NPTX1: variants seen among roughly 807,000 people sequenced by gnomAD.
NPTX1 encodes neuronal pentraxin-1.
In NPTX1, 12 loss-of-function variants were observed where a neutral mutation model predicts 38.7. The ratio of observed to expected loss-of-function variants is 0.31; its 90% CI spans 0.20 to 0.50. The LOEUF (loss-of-function observed/expected upper bound fraction) is 0.50, where lower values mean the gene tolerates loss of function less well. NPTX1 is among the 20% of genes least tolerant of loss of function. The pLI is 0.98. For synonymous variants in NPTX1, 272 were observed against 264.9 expected, an observed-to-expected ratio of 1.03 and a Z score of -0.26; for missense variants, 454 against 592.2, an observed-to-expected ratio of 0.77 and a Z score of 2.42.
chr17:80,473,547 G>T, intron 2 of NPTX1, 103 bp from the exon 3 acceptor site: 1 of 1,218,812 alleles, frequency 8.2e-7, no homozygotes. Flanking sequence ...GGCCAGGGCA[G>T]GCTCCGGTCT....
At position 80,469,413 on chromosome 17, in the gene NPTX1, A is replaced by G. The variant is rs893892349; in HGVS notation, c.*1400T>C. On this transcript the variant is annotated 3_prime_UTR_variant, in exon 5 of 5. Coordinates refer to ENST00000306773, the MANE Select transcript of NPTX1 (RefSeq NM_002522.4). ...AACACACACACACACACACAAATGC[A>G]CATACACTTCTCTCCCCTCCTTGGA... 6.6e-6 allele frequency: 1 copy of G among 152,284 alleles called. No homozygotes were observed. Among genetic ancestry groups the G allele is most frequent in the African/African-American group, 2.4e-5 (1 of 41,442 alleles). The allele number at this position is 152,284 out of a possible 1,614,324, so 9.4% of individuals were successfully genotyped here.
In NPTX1 at chr17:80,475,790, C is replaced by T. The variant is rs2083877123; in HGVS notation, c.445-72G>A. ...GGGGACCGTGCTGGAAGGCCCGCGG[C>T]GCGGTCCCCTCTGGGCGACTGCGGG... On this transcript the variant is annotated intron_variant, in intron 1 of 4. Coordinates refer to ENST00000306773, the MANE Select transcript of NPTX1 (RefSeq NM_002522.4). The surrounding 1 kb of genome is among the most constrained non-coding windows in gnomAD (Gnocchi z 6.5). The T allele has an allele frequency of 1.6e-6, 2 of 1,267,552 alleles. No individual in the cohort carries two copies. The highest frequency in any genetic ancestry group is 1.1e-6 in the Non-Finnish European group (1 of 897,146). The allele number at this position is 1,267,552 out of a possible 1,614,324, so 78.5% of individuals were successfully genotyped here. A position where few individuals can be genotyped will look rare whatever the true frequency, so the allele number is the denominator to read the frequency against.
chr17:80,475,875 G>A lies in NPTX1; in HGVS notation c.444+128C>T. Reference sequence around the variant, plus strand: ...CGCGGGGCCTCGCAGGCGCGGGGAGGCACCGGCCGGGCACCCGCGCGGCTG... The same window carrying A: ...CGCGGGGCCTCGCAGGCGCGGGGAGACACCGGCCGGGCACCCGCGCGGCTG... On this transcript the variant is annotated intron_variant, in intron 1 of 4. Transcript: ENST00000306773. The surrounding 1 kb of genome is among the most constrained non-coding windows in gnomAD (Gnocchi z 6.5). 1 of 867,474 alleles carries A rather than the reference G, an allele frequency of 1.2e-6. No homozygotes were observed. Among genetic ancestry groups the A allele is most frequent in the Non-Finnish European group, 1.6e-6 (1 of 616,756 alleles). 53.7% of individuals were successfully genotyped at this position (867,474 alleles called of 1,614,324 possible).
At chr17:80,474,832 G>C (rs898194275) in intron 2 of NPTX1, 1 of 128,096 alleles carries the variant, frequency 7.8e-6, no homozygotes, top group South Asian at 2.5e-4. Flanking sequence ...AACCTTGTTT[G>C]ATTTCTGCGA....
rs768903811 is a variant in NPTX1, at chr17:80,470,861, G to A, written c.1251C>T (p.Tyr417=). 7.3e-5 allele frequency: 118 copies of A among 1,608,524 alleles called. No homozygotes were observed. Among genetic ancestry groups the A allele is most frequent in the Middle Eastern group, 1.7e-4 (1 of 6,016 alleles). ...IAWAESHIEI[Y]GGATKWTFEA... is the part of the protein sequence containing the mutation. Reference sequence around the variant, plus strand: ...CGAAGGTCCACTTGGTGGCCCCTCCGTAGATCTCGATGTGGGATTCAGCCC... The same window carrying A: ...CGAAGGTCCACTTGGTGGCCCCTCCATAGATCTCGATGTGGGATTCAGCCC... The change falls in exon 5 of 5, where the codon TAC becomes TAT. Residue 417 remains tyrosine, a synonymous_variant. Transcript: ENST00000306773.
In NPTX1 at chr17:80,470,298, T is replaced by C. The variant is rs932806895; in HGVS notation, c.*515A>G. On this transcript the variant is annotated 3_prime_UTR_variant, in exon 5 of 5. Coordinates refer to ENST00000306773, the MANE Select transcript of NPTX1 (RefSeq NM_002522.4). ...TTACATCAATATAAAGATATGTCGC[T>C]CTGAGAAAGGTTTGCAAACAAAGAC... The C allele has an allele frequency of 6.6e-6, 1 of 152,508 alleles. No homozygotes were observed. Among genetic ancestry groups the C allele is most frequent in the African/African-American group, 2.4e-5 (1 of 41,454 alleles). The allele number at this position is 152,508 out of a possible 1,614,324, so 9.4% of individuals were successfully genotyped here.
In NPTX1 at chr17:80,476,229, A is replaced by T; in HGVS notation, c.218T>A (p.Leu73Gln). 2 of 1,571,478 alleles carry T rather than the reference A, an allele frequency of 1.3e-6. No individual in the cohort carries two copies. The highest frequency in any genetic ancestry group is 1.7e-6 in the Non-Finnish European group (2 of 1,165,866). The change falls in exon 1 of 5, where the codon CTG becomes CAG. Residue 73 changes from leucine to glutamine, a missense_variant. Around this residue, in one of 4 missense-constraint regions of NPTX1, gnomAD observed 288 missense variants for 318.4 expected, o/e 0.90. Coordinates refer to ENST00000306773, the MANE Select transcript of NPTX1 (RefSeq NM_002522.4). The surrounding 1 kb of genome is among the most constrained non-coding windows in gnomAD (Gnocchi z 6.3). Reference protein sequence around the residue: ...ETVLQQKETILSQKETIRELT... With the variant: ...ETVLQQKETIQSQKETIRELT... ...CTCGCGGATGGTCTCCTTCTGGCTC[A>T]GGATGGTCTCCTTCTGCTGCAGCAC...
At chr17:80,471,099 GCC>G in intron 4 of NPTX1, 65 bp from the exon 5 acceptor site, 1 of 1,307,336 alleles carries the variant, frequency 7.6e-7, no homozygotes, top group Non-Finnish European at 1.1e-6. Flanking sequence ...CCATCCCTAG[GCC>G]GGGGATCTGA....
At position 80,476,274 on chromosome 17, in the gene NPTX1, A is replaced by T. The variant is rs1053224113; in HGVS notation, c.173T>A (p.Val58Glu). 2 of 1,561,684 alleles carry T rather than the reference A, an allele frequency of 1.3e-6. No homozygotes were observed. The highest frequency in any genetic ancestry group is 1.7e-6 in the Non-Finnish European group (2 of 1,162,268). The change falls in exon 1 of 5, where the codon GTG (valine) becomes GAG (glutamate). Residue 58 changes from valine to glutamate, a missense_variant. Val to Glu is a moderately radical substitution (Grantham distance 121). Coordinates refer to ENST00000306773, the MANE Select transcript of NPTX1 (RefSeq NM_002522.4). This position sits in a 1 kb window ranked among gnomAD's most constrained non-coding sequence, Gnocchi z 6.3. Reference sequence around the variant, plus strand: ...CAGCACCGTCTCGCGGAGCTGCAGCACGCTGCTCCGGAGCTCCTCGGCGCC... The same window carrying T: ...CAGCACCGTCTCGCGGAGCTGCAGCTCGCTGCTCCGGAGCTCCTCGGCGCC... ...AGGAEELRSS[V>E]LQLRETVLQQ...
In NPTX1 at chr17:80,470,958, T is replaced by C. The variant is rs994662604; in HGVS notation, c.1154A>G (p.Lys385Arg). Reference sequence around the variant, plus strand: ...GTTGTACACCTCCCCGGGGGTCAGCTTGCGGTCCCAGATGTTGAAGTGGGC... The same window carrying C: ...GTTGTACACCTCCCCGGGGGTCAGCCTGCGGTCCCAGATGTTGAAGTGGGC... The part of the protein sequence containing the change: ...ELAHFNIWDR[K>R]LTPGEVYNLA... Residue 385 changes from lysine to arginine, a missense_variant, in exon 5 of 5, where the codon AAG (lysine) becomes AGG (arginine). By Grantham distance (26) the Lys-to-Arg change is conservative. Around this residue, in one of 4 missense-constraint regions of NPTX1, gnomAD observed 110 missense variants for 197.5 expected, o/e 0.56. Coordinates refer to ENST00000306773, the MANE Select transcript of NPTX1 (RefSeq NM_002522.4). 3 of 1,613,732 alleles carry C rather than the reference T, an allele frequency of 1.9e-6. No individual in the cohort carries two copies. Among genetic ancestry groups the C allele is most frequent in the Non-Finnish European group, 2.5e-6 (3 of 1,179,752 alleles).
In NPTX1 at chr17:80,470,987, C is replaced by G; in HGVS notation, c.1125G>C (p.Glu375Asp). ...GFDATQAFVGELAHFNIWDRK... is the reference protein window; with the variant it reads ...GFDATQAFVGDLAHFNIWDRK... ...GGTCCCAGATGTTGAAGTGGGCCAGCTCACCCACAAATGCCTGGGTGGCAT... is the reference window on the plus strand; with the variant it reads ...GGTCCCAGATGTTGAAGTGGGCCAGGTCACCCACAAATGCCTGGGTGGCAT... Residue 375 changes from glutamate (E) to aspartate (D), a missense_variant, in exon 5 of 5, where the codon GAG becomes GAC. By Grantham distance (45) the Glu-to-Asp change is conservative. This residue lies in a region of NPTX1 where 110 missense variants were observed against 197.5 expected (regional missense o/e 0.56). Transcript: ENST00000306773. 6.2e-7 allele frequency: 1 copy of G among 1,613,068 alleles called. No homozygotes were observed. Among genetic ancestry groups the G allele is most frequent in the Non-Finnish European group, 8.5e-7 (1 of 1,179,248 alleles).
In NPTX1 at chr17:80,475,479, G is replaced by A. The variant is rs2083874299; in HGVS notation, c.652+32C>T. 3 of 1,488,218 alleles carry A rather than the reference G, an allele frequency of 2.0e-6. No homozygotes were observed. The highest frequency in any genetic ancestry group is 2.8e-6 in the Non-Finnish European group (3 of 1,088,392). The allele number at this position is 1,488,218 out of a possible 1,614,324, so 92.2% of individuals were successfully genotyped here. ...GGCAGGGTCGGGCAAGCAGGTGCAG[G>A]CAGGCAGCACGGCTCCCCCTGGCCC... On this transcript the variant is annotated intron_variant, in intron 2 of 4. Coordinates refer to ENST00000306773, the MANE Select transcript of NPTX1 (RefSeq NM_002522.4). The surrounding 1 kb of genome is among the most constrained non-coding windows in gnomAD (Gnocchi z 6.5).
chr17:80,475,436 G>T lies in NPTX1; in HGVS notation c.652+75C>A. On this transcript the variant is annotated intron_variant, in intron 2 of 4. Transcript: ENST00000306773. The surrounding 1 kb of genome is among the most constrained non-coding windows in gnomAD (Gnocchi z 6.5). ...GGCTTGCACAGTGCAGAGCTGGGCT[G>T]TTAGGGATCGGGACCGAGGCAGGGT... 1 of 1,084,226 alleles carries T rather than the reference G, an allele frequency of 9.2e-7. No homozygotes were observed. The highest frequency in any genetic ancestry group is 1.3e-6 in the Non-Finnish European group (1 of 776,096). 67.2% of individuals were successfully genotyped at this position (1,084,226 alleles called of 1,614,324 possible).
intron 2 of NPTX1, chr17:80,473,896 C>G (rs1433315131): frequency 5.4e-6 from 1 of 185,346 alleles, no homozygotes; most frequent in East Asian, 1.5e-4. Context: ...CAGAGCCTCT[C>G]CTCGCTCAAT....
chr17:80,473,644 G>A (rs1046384602), intron 2 of NPTX1, 200 bp from the exon 3 acceptor site: 1 of 593,036 alleles, frequency 1.7e-6, no homozygotes, highest in Non-Finnish European at 3.0e-6. Flanking sequence ...GCTGACCCAA[G>A]CTCTTCATGC....
intron 3 of NPTX1, among the ~76,000 whole-genome samples, chr17:80,472,545 A>G (rs1465215915): frequency 6.6e-6 from 1 of 152,150 alleles, no homozygotes; most frequent in Non-Finnish European, 1.5e-5. Context: ...GGGGGCCCAG[A>G]ATGGCACAGC....
Position 80,475,422 on chromosome 17 carries a change from T to G in NPTX1, c.652+89A>C, listed in dbSNP as rs1404814378. 1.0e-6 allele frequency: 1 copy of G among 980,794 alleles called. No homozygotes were observed. The highest frequency in any genetic ancestry group is 1.5e-6 in the Non-Finnish European group (1 of 674,024). The allele number at this position is 980,794 out of a possible 1,614,324, so 60.8% of individuals were successfully genotyped here. A position where few individuals can be genotyped will look rare whatever the true frequency, so the allele number is the denominator to read the frequency against. ...GCGGAGCGGCTTGAGGCTTGCACAG[T>G]GCAGAGCTGGGCTGTTAGGGATCGG... On this transcript the variant is annotated intron_variant, in intron 2 of 4. Transcript: ENST00000306773. The surrounding 1 kb of genome is among the most constrained non-coding windows in gnomAD (Gnocchi z 6.5).
intron 2 of NPTX1, 46 bp from the exon 3 acceptor site, chr17:80,473,490 A>G (rs2083854667): frequency 1.2e-6 from 2 of 1,600,470 alleles, no homozygotes; most frequent in African/African-American, 1.3e-5. Flanking sequence ...TGAAGTGCTT[A>G]TCGGTGTCTG....
rs766280892 is a variant in NPTX1 at position 80,475,578 on chromosome 17, G to A, written c.585C>T (p.Thr195=). Residue 195 remains threonine (T), a synonymous_variant, in exon 2 of 5, where the codon ACC becomes ACT. Transcript: ENST00000306773. This position sits in a 1 kb window ranked among gnomAD's most constrained non-coding sequence, Gnocchi z 6.5. The stretch of plus-strand genomic sequence containing the variant: ...CGGTCTCGATCTTGACCCTCTCCTC[G>A]GTGTCGTTCCTGGGGCCCCCCTTGC... ...EEGKGGPRND[T]EERVKIETAL... 2 of 1,612,814 alleles carry A rather than the reference G, an allele frequency of 1.2e-6. No homozygotes were observed. The highest frequency in any genetic ancestry group is 2.2e-5 in the East Asian group (1 of 44,858).
Sources: gnomAD v4.1 joint callset for allele counts (sites outside exome capture counted in the v4.1 genomes callset) on GRCh38, gnomAD v4.1.1 for gene constraint, gnomAD v4.1.1 regional missense constraint, Gnocchi (gnomAD v3.1) non-coding constraint, MANE v1.5 for transcripts, NCBI Gene and HGNC (gene_info 2026-07-23, HGNC 2026-07-21) for gene names.